The following ERMP1 variants were observed in gnomAD, a reference collection of about 807,000 sequenced individuals.
ERMP1 encodes the protein endoplasmic reticulum metallopeptidase 1.
In ERMP1, 86 loss-of-function variants were observed where a neutral mutation model predicts 92.0. The observed-to-expected ratio is 0.93, with a 90% confidence interval of 0.79 to 1.12. The LOEUF is 1.12. Among genes scored for constraint, ERMP1 ranks in the 50% most tolerant of loss-of-function variants. The pLI, the probability that ERMP1 is intolerant of heterozygous loss-of-function variation, is 0.00. For missense variants in ERMP1, 1,342 were observed against 1,116.3 expected, an observed-to-expected ratio of 1.20 and a Z score of -2.88; for synonymous variants, 530 against 412.8, an observed-to-expected ratio of 1.28 and a Z score of -3.44.
chr9:5,834,613 A>G (rs1414221237), upstream of ERMP1, among the ~76,000 whole-genome samples: 1 of 152,152 alleles, frequency 6.6e-6, no homozygotes, highest in East Asian at 1.9e-4. Context: ...GACTAAAGAC[A>G]GTGTCTATCT....
At position 5,798,984 on chromosome 9, in the gene ERMP1, A is replaced by T. The variant is rs530504237; in HGVS notation, c.2092T>A (p.Leu698Met). The T allele has an allele frequency of 6.2e-7, 1 of 1,613,632 alleles. No individual in the cohort carries two copies. The highest frequency in any genetic ancestry group is 1.1e-5 in the South Asian group (1 of 91,070). Residue 698 changes from leucine (L) to methionine (M), a missense_variant, in exon 12 of 15, where the codon TTG becomes ATG. Physicochemically the swap from Leu to Met is conservative, Grantham distance 15. Transcript: ENST00000339450. ...TCCCGTTTAACTGCATTTCCTTCCA[A>T]GTCATGGAATGTTCTAGTCATATGC... is the stretch of plus-strand genomic sequence containing the variant. ...LQHMTRTFHDLEGNAVKRDSG... is the reference protein window; with the variant it reads ...LQHMTRTFHDMEGNAVKRDSG...
chr9:5,834,701 A>ATGTGTGTGTGTGTGTGTG (rs1461362378), upstream of ERMP1, among the ~76,000 whole-genome samples: 9 of 62,810 alleles, frequency 1.4e-4, no homozygotes, highest in African/African-American at 3.2e-4. Context: ...ATGTATGTAT[A>ATGTGTGTGTGTGTGTGTG]TATGTGTGTG....
At chr9:5,794,674 C>T (rs890583955) in intron 13 of ERMP1, among the ~76,000 whole-genome samples, 1 of 152,104 alleles carries the variant, frequency 6.6e-6, no homozygotes, top group Non-Finnish European at 1.5e-5. Context: ...CTTTAAAAGA[C>T]ACAATCTGCC....
rs925608780 is a variant in ERMP1 at position 5,810,064 on chromosome 9, T to G, written c.1495A>C (p.Thr499Pro). 1.9e-6 allele frequency: 3 copies of G among 1,613,864 alleles called. No individual in the cohort carries two copies. Among genetic ancestry groups the G allele is most frequent in the African/African-American group, 1.3e-5 (1 of 75,030 alleles). Residue 499 changes from threonine (T) to proline (P), a missense_variant, in exon 8 of 15, where the codon ACT (threonine) becomes CCT (proline). Thr to Pro is a conservative substitution (Grantham distance 38). Transcript: ENST00000339450. The part of the protein sequence containing the change: ...YVSVCLYGTA[T>P]VAKIILIHTL... ...TGTATAAGTATTATTTTGGCTACAG[T>G]TGCAGTTCCATACAGACAAACGGAG...
At chr9:5,804,878 T>C in intron 10 of ERMP1, 149 bp downstream of exon 10, 1 of 641,006 alleles carries the variant, frequency 1.6e-6, no homozygotes, top group South Asian at 2.4e-5. Flanking sequence ...ATACCAAATT[T>C]ACAAGATGCA....
At chr9:5,852,671 AAAAG>A (rs1321040308) in intron 6 of ERMP1, among the ~76,000 whole-genome samples, 1 of 152,138 alleles carries the variant, frequency 6.6e-6, no homozygotes, top group South Asian at 2.1e-4. Context: ...AAAAAAAAAA[AAAAG>A]AATGTTTTAA....
At chr9:5,831,181 G>A (rs1360843113) in intron 1 of ERMP1, among the ~76,000 whole-genome samples, 153 bp from the exon 2 acceptor site, 4 of 152,134 alleles carry the variant, frequency 2.6e-5, no homozygotes, top group Admixed American at 2.6e-4. Context: ...GACACCAAGT[G>A]AACATCACTT....
intron 8 of ERMP1, among the ~76,000 whole-genome samples, chr9:5,808,323 A>T (rs1400327722): frequency 6.6e-6 from 1 of 152,186 alleles, no homozygotes; most frequent in Non-Finnish European, 1.5e-5. Flanking sequence ...AGTTAGCCAC[A>T]CTCTGATTAC....
Position 5,811,258 on chromosome 9 carries a change from A to G in ERMP1, c.1180T>C (p.Tyr394His). 1 of 1,614,096 alleles carries G rather than the reference A, an allele frequency of 6.2e-7. No homozygotes were observed. Among genetic ancestry groups the G allele is most frequent in the Non-Finnish European group, 8.5e-7 (1 of 1,179,976 alleles). ...AAGAAGACCATGTTTCCATGTCGAT[A>G]CTTAGAAGCAGCAGCCAGCATATCA... is the stretch of plus-strand genomic sequence containing the variant. Reference protein sequence around the residue: ...TSDMLAAASKYRHGNMVFFDV... With the variant: ...TSDMLAAASKHRHGNMVFFDV... The change falls in exon 7 of 15, where the codon TAT (tyrosine) becomes CAT (histidine). Residue 394 changes from tyrosine to histidine, a missense_variant. Physicochemically the swap from Tyr to His is moderately conservative, Grantham distance 83. Coordinates refer to ENST00000339450, the MANE Select transcript of ERMP1 (RefSeq NM_024896.3).
rs1033856496 is a variant in ERMP1, at chr9:5,785,236, A to G, written c.*1908T>C. 4 of 152,236 alleles carry G rather than the reference A, an allele frequency of 2.6e-5. No individual in the cohort carries two copies. The highest frequency in any genetic ancestry group is 9.6e-5 in the African/African-American group (4 of 41,466). 9.4% of individuals were successfully genotyped at this position (152,236 alleles called of 1,614,324 possible). A position where few individuals can be genotyped will look rare whatever the true frequency, so the allele number is the denominator to read the frequency against. On this transcript the variant is annotated 3_prime_UTR_variant, in exon 15 of 15. Coordinates refer to ENST00000339450, the MANE Select transcript of ERMP1 (RefSeq NM_024896.3). ...AAACAGTCATAATTTATTACTGATA[A>G]AGAGTAAAGGCATCCTTCCCATAGA...
chr9:5,805,711 G>C lies in ERMP1; in HGVS notation c.1623C>G (p.Thr541=). ...SLFVHCCFLV[T]LTYQGLCSAF... is the part of the protein sequence containing the mutation. The stretch of plus-strand genomic sequence containing the variant: ...CCGAGCAAAGTCCTTGGTAAGTGAG[G>C]GTAACAAGAAAACAGCAATGGACAA... Residue 541 remains threonine, a synonymous_variant, in exon 9 of 15, where the codon ACC becomes ACG. Transcript: ENST00000339450. 1.9e-6 allele frequency: 3 copies of C among 1,613,124 alleles called. No individual in the cohort carries two copies. The highest frequency in any genetic ancestry group is 2.5e-6 in the Non-Finnish European group (3 of 1,179,600).
intron 5 of ERMP1, among the ~76,000 whole-genome samples, chr9:5,867,088 T>C (rs961821077): frequency 5.9e-5 from 9 of 152,080 alleles, no homozygotes; most frequent in African/African-American, 1.7e-4. Context: ...CCTGGCTACT[T>C]GGCAGGCTGA....
chr9:5,790,167 ACC>A (rs1828121688), intron 13 of ERMP1, among the ~76,000 whole-genome samples: 1 of 140,898 alleles, frequency 7.1e-6, no homozygotes, highest in Admixed American at 7.1e-5. Flanking sequence ...TTAAAACAAT[ACC>A]TTTTTTTTTT....
Position 5,797,726 on chromosome 9 carries a change from C to T in ERMP1, c.2386+91G>A, listed in dbSNP as rs531274868. On this transcript the variant is annotated intron_variant, in intron 13 of 14. Transcript: ENST00000339450. ...ACAGGCTCTTCCTAAGTTGCTGGTT[C>T]CTGTGATATATCTGAGGGAAAAACA... is the stretch of plus-strand genomic sequence containing the variant. 9 of 763,594 alleles carry T rather than the reference C, an allele frequency of 1.2e-5. No individual in the cohort carries two copies. In the African/African-American group the frequency reaches 1.4e-4, roughly 12 times the overall value. 47.3% of individuals were successfully genotyped at this position (763,594 alleles called of 1,614,324 possible).
intron 5 of ERMP1, among the ~76,000 whole-genome samples, chr9:5,861,337 G>C (rs575428593): frequency 6.6e-6 from 1 of 151,906 alleles, no homozygotes; most frequent in Non-Finnish European, 1.5e-5. Context: ...TGAAAAAAAA[G>C]TAAGATTTAA....
At chr9:5,842,731 G>A (rs1041754678) in intron 6 of ERMP1, among the ~76,000 whole-genome samples, 2 of 152,150 alleles carry the variant, frequency 1.3e-5, no homozygotes, top group African/African-American at 4.8e-5. Context: ...TATAAATTGT[G>A]ATGATAATAA....
intron 13 of ERMP1, among the ~76,000 whole-genome samples, chr9:5,790,713 G>C (rs1020820061): frequency 6.6e-6 from 1 of 152,140 alleles, no homozygotes; most frequent in Non-Finnish European, 1.5e-5. Flanking sequence ...TCACAATGAA[G>C]ACATAAAATT....
intron 4 of ERMP1, among the ~76,000 whole-genome samples, chr9:5,819,099 A>C (rs1466614661): frequency 1.3e-5 from 2 of 152,268 alleles, no homozygotes; most frequent in Non-Finnish European, 2.9e-5. Flanking sequence ...ATATACGTTT[A>C]CACAAAGACT....
intron 4 of ERMP1, among the ~76,000 whole-genome samples, chr9:5,818,640 A>C (rs1829411264): frequency 6.6e-6 from 1 of 152,062 alleles, no homozygotes; most frequent in Non-Finnish European, 1.5e-5. Context: ...ACTTGAGCCC[A>C]GGAGCTGGAA....
Sources: allele counts gnomAD v4.1 joint callset (sites outside exome capture counted in the v4.1 genomes callset), GRCh38; gene constraint gnomAD v4.1.1; transcripts MANE v1.5; gene names NCBI Gene and HGNC (gene_info 2026-07-23, HGNC 2026-07-21).